The following DSG1 variants were observed in gnomAD, a reference collection of about 807,000 sequenced individuals.
DSG1 encodes the protein desmoglein 1.
In DSG1, 39 loss-of-function variants were observed where a neutral mutation model predicts 97.5. That is an observed-to-expected ratio of 0.40 (90% CI 0.31 to 0.52). The LOEUF (loss-of-function observed/expected upper bound fraction) is 0.52, where lower values mean the gene tolerates loss of function less well. Among genes scored for constraint, DSG1 ranks in the 20% least tolerant of loss-of-function variants. DSG1 has a pLI of 0.53. For missense variants in DSG1, 1,311 were observed against 1,295.4 expected (o/e 1.01, Z -0.18); for synonymous variants, 475 against 443.4 (o/e 1.07, Z -0.90).
Position 31,354,944 on chromosome 18 carries a change from G to T in DSG1, c.2748G>T (p.Glu916Asp). Reference protein sequence around the residue: ...PTSLTIHHPRESSNVVVTERV... With the variant: ...PTSLTIHHPRDSSNVVVTERV... ...CTCTGACTATCCATCATCCTAGAGAGTCTTCAAATGTGGTAGTGACAGAAA... is the reference window on the plus strand; with the variant it reads ...CTCTGACTATCCATCATCCTAGAGATTCTTCAAATGTGGTAGTGACAGAAA... The change falls in exon 15 of 15, where the codon GAG becomes GAT. Residue 916 changes from glutamate (E) to aspartate (D), a missense_variant. This residue lies in a region of DSG1 where 1,038 missense variants were observed against 964.6 expected (regional missense o/e 1.08). Coordinates refer to ENST00000257192, the MANE Select transcript of DSG1 (RefSeq NM_001942.4). The T allele has an allele frequency of 6.2e-7, 1 of 1,614,208 alleles. No individual in the cohort carries two copies. The highest frequency in any genetic ancestry group is 8.5e-7 in the Non-Finnish European group (1 of 1,180,032).
intron 1 of DSG1, 99 bp downstream of exon 1, chr18:31,318,447 C>G (rs914508618): frequency 6.4e-6 from 6 of 944,390 alleles, no homozygotes; most frequent in Non-Finnish European, 8.7e-6. Context: ...TAACCTAAAC[C>G]CATTGAAAAT....
chr18:31,333,062 A>C (rs2071730393), intron 6 of DSG1, among the ~76,000 whole-genome samples: 1 of 152,134 alleles, frequency 6.6e-6, no homozygotes, highest in African/African-American at 2.4e-5. Context: ...ATGAGTGTGC[A>C]TTTTTGCATG....
At position 31,357,548 on chromosome 18, in the gene DSG1, A is replaced by G. The variant is rs1172467349; in HGVS notation, c.*2202A>G. Among the ~76,000 whole-genome samples, 1 of 152,056 alleles carries G rather than the reference A, an allele frequency of 6.6e-6. No individual in the cohort carries two copies. Among genetic ancestry groups the G allele is most frequent in the South Asian group, 2.1e-4 (1 of 4,838 alleles). On this transcript the variant is annotated 3_prime_UTR_variant, in exon 15 of 15. Coordinates refer to ENST00000257192, the MANE Select transcript of DSG1 (RefSeq NM_001942.4). ...ACAAGCTTTTCTTAAGACATCTGAT[A>G]TCTTCCAGAGATATTTTTTAGGTTG...
intron 14 of DSG1, chr18:31,353,831 G>A (rs9961436): frequency 0.74 from 141,787 of 191,004 alleles, 53,012 homozygotes; most frequent in East Asian, 0.93. Flanking sequence ...GCTTCGGCTC[G>A]CGCACAGTGG....
chr18:31,338,728 CT>C (rs1445246075), intron 10 of DSG1, among the ~76,000 whole-genome samples: 1 of 151,998 alleles, frequency 6.6e-6, no homozygotes, highest in Non-Finnish European at 1.5e-5. Flanking sequence ...GCTGTTGTCT[CT>C]TTTTTAAAAT....
At position 31,358,580 on chromosome 18, in the gene DSG1, A is replaced by G. The variant is rs1037343919; in HGVS notation, c.*3234A>G. Among the ~76,000 whole-genome samples, 6 of 152,080 alleles carry G rather than the reference A, an allele frequency of 3.9e-5. No homozygotes were observed. The highest frequency in any genetic ancestry group is 2.1e-4 in the South Asian group (1 of 4,828). On this transcript the variant is annotated 3_prime_UTR_variant, in exon 15 of 15. Transcript: ENST00000257192. ...TATCTGGCAATTTATTTCTGAATTT[A>G]TACCAATGTTTGATTGTCATGGTAC... is the stretch of plus-strand genomic sequence containing the variant.
rs2071767607 is a variant in DSG1, at chr18:31,338,299, T to C, written c.1266-16T>C. ...GATAGCTGACATTAATTTGTATCAT[T>C]TTCTTTCAAATACAGGTATGTAATG... On this transcript the variant is annotated splice_polypyrimidine_tract_variant and intron_variant, in intron 9 of 14. Coordinates refer to ENST00000257192, the MANE Select transcript of DSG1 (RefSeq NM_001942.4). 1.9e-6 allele frequency: 3 copies of C among 1,612,812 alleles called. No individual in the cohort carries two copies. Among genetic ancestry groups the C allele is most frequent in the Non-Finnish European group, 2.5e-6 (3 of 1,179,242 alleles).
At chr18:31,320,839 G>A (rs2071649014) in intron 1 of DSG1, among the ~76,000 whole-genome samples, 1 of 152,050 alleles carries the variant, frequency 6.6e-6, no homozygotes, top group African/African-American at 2.4e-5. Context: ...GGTCACTGTG[G>A]GAAAGCAAAA....
chr18:31,354,856 G>A lies in DSG1; in HGVS notation c.2660G>A (p.Arg887Gln), dbSNP rs368044134. 4.2e-5 allele frequency: 67 copies of A among 1,614,038 alleles called. No individual in the cohort carries two copies. Among genetic ancestry groups the A allele is most frequent in the African/African-American group, 5.3e-5 (4 of 74,928 alleles). Residue 887 changes from arginine (R) to glutamine (Q), a missense_variant, in exon 15 of 15, where the codon CGA (arginine) becomes CAA (glutamine). Coordinates refer to ENST00000257192, the MANE Select transcript of DSG1 (RefSeq NM_001942.4). ...GGAATGTTAGAGATGCCTGACTTGC[G>A]AGATGGGTCGAATGTTATAGTGACA... ...LHGMLEMPDL[R>Q]DGSNVIVTER...
chr18:31,345,874 T>C (rs2071829009), intron 13 of DSG1, 116 bp from the exon 14 acceptor site: 3 of 744,890 alleles, frequency 4.0e-6, no homozygotes, highest in Admixed American at 4.9e-5. Flanking sequence ...ATCTTTTTAT[T>C]TCTTTGTTCA....
intron 1 of DSG1, among the ~76,000 whole-genome samples, chr18:31,322,798 TA>T: frequency 6.6e-6 from 1 of 152,340 alleles, no homozygotes; most frequent in East Asian, 1.9e-4. Flanking sequence ...TCACAATTAT[TA>T]AATGCAAGAG....
intron 1 of DSG1, among the ~76,000 whole-genome samples, chr18:31,320,603 C>T (rs570005211): frequency 4.3e-4 from 65 of 152,306 alleles, no homozygotes; most frequent in African/African-American, 1.5e-3. Flanking sequence ...TCTGACAAGT[C>T]TCCTGGACAG....
At chr18:31,337,242 T>TTTGTTTGTTTGTTTG (rs1377597688) in intron 9 of DSG1, among the ~76,000 whole-genome samples, 2 of 151,432 alleles carry the variant, frequency 1.3e-5, no homozygotes, top group Non-Finnish European at 2.9e-5. Flanking sequence ...TTGGGGGTTT[T>TTTGTTTGTTTGTTTG]TTGTTTGTTT....
intron 1 of DSG1, among the ~76,000 whole-genome samples, chr18:31,319,476 CT>C (rs778127946): frequency 6.6e-6 from 1 of 152,098 alleles, no homozygotes; most frequent in South Asian, 2.1e-4. Flanking sequence ...AAGCTGGTGG[CT>C]TTGGTTCCAA....
chr18:31,334,275 T>C, intron 8 of DSG1, 73 bp downstream of exon 8: 2 of 1,104,438 alleles, frequency 1.8e-6, no homozygotes, highest in South Asian at 1.4e-5. Context: ...AATAAAATGA[T>C]GCTAACATTT....
In DSG1 at chr18:31,354,470, G is replaced by T; in HGVS notation, c.2274G>T (p.Leu758Phe). 1 of 1,614,096 alleles carries T rather than the reference G, an allele frequency of 6.2e-7. No homozygotes were observed. Among genetic ancestry groups the T allele is most frequent in the Non-Finnish European group, 8.5e-7 (1 of 1,180,018 alleles). The change falls in exon 15 of 15, where the codon TTG (leucine) becomes TTT (phenylalanine). Residue 758 changes from leucine (L) to phenylalanine (F), a missense_variant. By Grantham distance (22) the Leu-to-Phe change is conservative (BLOSUM62 0). This residue lies in a region of DSG1 where 1,038 missense variants were observed against 964.6 expected (regional missense o/e 1.08). Coordinates refer to ENST00000257192, the MANE Select transcript of DSG1 (RefSeq NM_001942.4). ...LDTLGPKFKK[L>F]ADISLGKESY... ...CCCTGGGACCTAAATTTAAGAAGTTGGCAGACATCAGCCTAGGAAAAGAAT... is the reference window on the plus strand; with the variant it reads ...CCCTGGGACCTAAATTTAAGAAGTTTGCAGACATCAGCCTAGGAAAAGAAT...
In DSG1 at chr18:31,358,333, C is replaced by T. The variant is rs1464068449; in HGVS notation, c.*2987C>T. On this transcript the variant is annotated 3_prime_UTR_variant, in exon 15 of 15. Coordinates refer to ENST00000257192, the MANE Select transcript of DSG1 (RefSeq NM_001942.4). ...AGATATATCTGCTACATATTATTTA[C>T]TTCTAAGCATGTTGTCTGATGTAAT... 1.3e-5 allele frequency among the ~76,000 whole-genome samples: 2 copies of T among 151,942 alleles called. No homozygotes were observed. The highest frequency in any genetic ancestry group is 4.8e-5 in the African/African-American group (2 of 41,414).
intron 1 of DSG1, among the ~76,000 whole-genome samples, chr18:31,320,630 G>A (rs2071647618): frequency 6.6e-6 from 1 of 152,184 alleles, no homozygotes; most frequent in African/African-American, 2.4e-5. Flanking sequence ...GATTACACCT[G>A]CTATAACACT....
chr18:31,326,448 C>A, intron 1 of DSG1, 133 bp from the exon 2 acceptor site: 1 of 712,520 alleles, frequency 1.4e-6, no homozygotes, highest in Non-Finnish European at 2.4e-6. Flanking sequence ...AATCCACCTG[C>A]TATTTGGCTG....
Sources: gnomAD v4.1 joint callset for allele counts (sites outside exome capture counted in the v4.1 genomes callset) on GRCh38, gnomAD v4.1.1 for gene constraint, gnomAD v4.1.1 regional missense constraint, MANE v1.5 for transcripts, NCBI Gene and HGNC (gene_info 2026-07-23, HGNC 2026-07-21) for gene names.